The following TMEM272 variants were observed in gnomAD, a reference collection of about 807,000 sequenced individuals.
TMEM272 encodes the protein transmembrane protein 272.
A neutral mutation model predicts 3.7 loss-of-function variants in TMEM272; 8 were observed. The observed-to-expected ratio is 2.17, with a 90% CI of 1.27 to 3.91. The LOEUF (loss-of-function observed/expected upper bound fraction) is 3.91, where lower values mean the gene tolerates loss of function less well. Ranked by LOEUF, TMEM272 falls within the 30% of genes most tolerant of loss-of-function variation. The probability of loss-of-function intolerance (pLI) is 0.00; values close to 1 mark genes in which losing one functional copy is unlikely to be tolerated. For synonymous variants in TMEM272, 63 were observed against 39.8 expected (o/e 1.58, Z -2.20); for missense variants, 166 against 91.5 (o/e 1.81, Z -3.32).
chr13:51,914,295 T>C, the TMEM272 span, among the ~76,000 whole-genome samples: 1 of 152,208 alleles, frequency 6.6e-6, no homozygotes, highest in African/African-American at 2.4e-5. Flanking sequence ...AGGTGGGTCA[T>C]ATTAAGCTCG....
At chr13:51,913,376 A>T in the TMEM272 span, among the ~76,000 whole-genome samples, 2 of 152,210 alleles carry the variant, frequency 1.3e-5, no homozygotes, top group African/African-American at 4.8e-5. Flanking sequence ...GCGCCAAAGA[A>T]ATGGGAGGGG....
rs386379191 is a variant in TMEM272 at position 51,821,668 on chromosome 13, C to CAAA, written c.201+384_201+386dup. Reference sequence around the variant, plus strand: ...CTTCAACAGGAAGCTTTTTTTTCCTCAAAAAAAAAAAAAAAAAAAGCAAAA... The same window carrying CAAA: ...CTTCAACAGGAAGCTTTTTTTTCCTCAAAAAAAAAAAAAAAAAAAAAAGCAAAA... On this transcript the variant is annotated intron_variant, in intron 4 of 4. Transcript: ENST00000629372. Among the ~76,000 whole-genome samples the CAAA allele has an allele frequency of 4.3e-3, 124 of 28,508 alleles. 1 individual carries two copies. Among genetic ancestry groups the CAAA allele is most frequent in the African/African-American group, 9.3e-3 (105 of 11,234 alleles). 18.7% of individuals were successfully genotyped at this position (28,508 alleles called of 152,430 possible).
At chr13:51,921,827 T>C in the TMEM272 span, among the ~76,000 whole-genome samples, 2 of 152,056 alleles carry the variant, frequency 1.3e-5, no homozygotes, top group Admixed American at 6.5e-5. Context: ...GGAGCGGAGG[T>C]CCAAAGCATT....
chr13:51,821,934 C>T, intron 4 of TMEM272, 121 bp downstream of exon 4: 1 of 686,206 alleles, frequency 1.5e-6, no homozygotes. Flanking sequence ...CTTCAGCAAC[C>T]ACGCTTAGGG....
the TMEM272 span, among the ~76,000 whole-genome samples, chr13:51,917,010 C>G: frequency 1.3e-5 from 2 of 152,192 alleles, no homozygotes; most frequent in Non-Finnish European, 2.9e-5. Context: ...CGGAGGAGGA[C>G]AAGTAAGGCC....
At chr13:51,821,296 G>GAGTT (rs2139552208) in intron 4 of TMEM272, among the ~76,000 whole-genome samples, 1 of 152,332 alleles carries the variant, frequency 6.6e-6, no homozygotes, top group Non-Finnish European at 1.5e-5. Flanking sequence ...AGACTGGGAA[G>GAGTT]AGTTGTTGAT....
At chr13:51,893,974 G>C in the TMEM272 span, among the ~76,000 whole-genome samples, 1 of 152,196 alleles carries the variant, frequency 6.6e-6, no homozygotes, top group Admixed American at 6.5e-5. Flanking sequence ...GCAGAGCAAA[G>C]AAGGAAGAAG....
intron 2 of TMEM272, among the ~76,000 whole-genome samples, chr13:51,834,905 A>T (rs2139576994): frequency 6.6e-6 from 1 of 152,352 alleles, no homozygotes. Context: ...GCGATCCTCC[A>T]GGGTGGCAGC....
the TMEM272 span, among the ~76,000 whole-genome samples, chr13:51,894,496 T>C: frequency 6.6e-6 from 1 of 152,164 alleles, no homozygotes; most frequent in Admixed American, 6.5e-5. Context: ...TCACTGCAGC[T>C]GGGGATGAGG....
chr13:51,927,022 C>T, the TMEM272 span, among the ~76,000 whole-genome samples: 3 of 152,124 alleles, frequency 2.0e-5, no homozygotes, highest in Non-Finnish European at 4.4e-5. Flanking sequence ...TCATACTTTA[C>T]AGGAAACCCC....
the TMEM272 span, among the ~76,000 whole-genome samples, chr13:51,906,726 G>A: frequency 2.0e-5 from 3 of 152,164 alleles, no homozygotes; most frequent in African/African-American, 4.8e-5. Context: ...GGCACTCCCC[G>A]GGATCCCAGG....
intron 4 of TMEM272, 123 bp from the exon 5 acceptor site, chr13:51,817,236 T>A: frequency 1.7e-6 from 1 of 595,370 alleles, no homozygotes; most frequent in Non-Finnish European, 3.0e-6. Context: ...GAGAGGAAGG[T>A]GTTATGAAAA....
chr13:51,929,333 G>A, the TMEM272 span, among the ~76,000 whole-genome samples: 16 of 152,182 alleles, frequency 1.1e-4, no homozygotes, highest in African/African-American at 3.9e-4. Context: ...CTAAAACCCT[G>A]GGCTGCTAGT....
chr13:51,859,864 G>C, the TMEM272 span, among the ~76,000 whole-genome samples: 1 of 151,682 alleles, frequency 6.6e-6, no homozygotes, highest in African/African-American at 2.4e-5. Flanking sequence ...ATATAAAGGG[G>C]GAAAAGCAGA....
Position 51,816,376 on chromosome 13 carries a change from C to T in TMEM272, c.*375G>A, listed in dbSNP as rs1009313717. On this transcript the variant is annotated 3_prime_UTR_variant, in exon 5 of 5. Transcript: ENST00000629372. ...CATGGCTGAATGACAGCAGCAGTAGCAACAACCAACCTTGCTCTTGCACCA... is the reference window on the plus strand; with the variant it reads ...CATGGCTGAATGACAGCAGCAGTAGTAACAACCAACCTTGCTCTTGCACCA... 28 of 182,598 alleles carry T rather than the reference C, an allele frequency of 1.5e-4. No individual in the cohort carries two copies. The highest frequency in any genetic ancestry group is 6.8e-4 in the South Asian group (5 of 7,366). The allele number at this position is 182,598 out of a possible 1,614,324, so 11.3% of individuals were successfully genotyped here.
the TMEM272 span, among the ~76,000 whole-genome samples, chr13:51,863,816 G>A: frequency 6.6e-6 from 1 of 152,144 alleles, no homozygotes; most frequent in African/African-American, 2.4e-5. Flanking sequence ...CGGATGATGG[G>A]TTGGTGAGAT....
At chr13:51,911,715 C>T in the TMEM272 span, among the ~76,000 whole-genome samples, 1 of 152,194 alleles carries the variant, frequency 6.6e-6, no homozygotes, top group Non-Finnish European at 1.5e-5. Flanking sequence ...TAAGCGTGGG[C>T]CCACGCTGAC....
chr13:51,834,262 C>T (rs1956196645), intron 2 of TMEM272, among the ~76,000 whole-genome samples: 1 of 152,218 alleles, frequency 6.6e-6, no homozygotes, highest in Admixed American at 6.5e-5. Flanking sequence ...GAAGCTACCA[C>T]TGCCGGGGGC....
chr13:51,845,260 TG>T (rs1322514257), upstream of TMEM272: 1 of 152,212 alleles, frequency 6.6e-6, no homozygotes, highest in Non-Finnish European at 1.5e-5. Context: ...CTCATACCCC[TG>T]CAGTGTTCCC....
Sources: allele counts gnomAD v4.1 joint callset (sites outside exome capture counted in the v4.1 genomes callset), GRCh38; gene constraint gnomAD v4.1.1; transcripts MANE v1.5; gene names NCBI Gene and HGNC (gene_info 2026-07-23, HGNC 2026-07-21).